The following LRFN5 variants were observed in gnomAD, a reference collection of about 807,000 sequenced individuals.
The protein encoded by LRFN5 is leucine rich repeat and fibronectin type III domain containing 5, also known as leucine-rich repeat and fibronectin type-III domain-containing protein 5.
A neutral mutation model predicts 45.6 loss-of-function variants in LRFN5; 24 were observed. The observed-to-expected ratio is 0.53, with a 90% CI of 0.38 to 0.74. LRFN5 has a LOEUF of 0.74. Ranked by LOEUF, LRFN5 falls within the 30% of genes least tolerant of loss-of-function variation. LRFN5 has a pLI of 0.00. For missense variants in LRFN5, 776 were observed against 861.5 expected, an observed-to-expected ratio of 0.90 and a Z score of 1.24; for synonymous variants, 340 against 313.8, an observed-to-expected ratio of 1.08 and a Z score of -0.88.
intron 1 of LRFN5, among the ~76,000 whole-genome samples, chr14:41,749,340 A>C (rs1275081953): frequency 6.6e-6 from 1 of 152,188 alleles, no homozygotes; most frequent in East Asian, 1.9e-4. Flanking sequence ...TGAAATACTG[A>C]CTTATAATAA....
chr14:41,654,486 A>T (rs998399634), intron 1 of LRFN5, among the ~76,000 whole-genome samples: 1 of 152,046 alleles, frequency 6.6e-6, no homozygotes, highest in African/African-American at 2.4e-5. Context: ...ACATAGTTTG[A>T]GTTCAGAAAG....
chr14:41,853,580 CA>C (rs1179190726), intron 2 of LRFN5, among the ~76,000 whole-genome samples: 1 of 151,728 alleles, frequency 6.6e-6, no homozygotes, highest in African/African-American at 2.4e-5. Context: ...ATTAGGTTTC[CA>C]TTTTGGATAT....
chr14:41,608,924 G>A (rs1404160153), intron 1 of LRFN5, among the ~76,000 whole-genome samples: 1 of 152,208 alleles, frequency 6.6e-6, no homozygotes, highest in Non-Finnish European at 1.5e-5. Context: ...TTTCCAGATT[G>A]TGAAGTGTGA....
intron 1 of LRFN5, among the ~76,000 whole-genome samples, chr14:41,726,275 C>A (rs1216635324): frequency 6.6e-6 from 1 of 152,130 alleles, no homozygotes; most frequent in East Asian, 1.9e-4. Flanking sequence ...AGGGAACTTT[C>A]ATCATTGCTT....
chr14:41,896,752 T>C (rs1444577249), intron 4 of LRFN5, among the ~76,000 whole-genome samples: 2 of 152,086 alleles, frequency 1.3e-5, no homozygotes, highest in African/African-American at 4.8e-5. Flanking sequence ...ATTATGTTTT[T>C]CCACAGAAAC....
intron 1 of LRFN5, among the ~76,000 whole-genome samples, chr14:41,747,027 C>G (rs1884948370): frequency 6.6e-6 from 1 of 151,876 alleles, no homozygotes; most frequent in South Asian, 2.1e-4. Flanking sequence ...AGAATGAAAA[C>G]TACAAAACAT....
intron 1 of LRFN5, among the ~76,000 whole-genome samples, chr14:41,677,470 C>T (rs1881686615): frequency 6.6e-6 from 1 of 151,662 alleles, no homozygotes; most frequent in Non-Finnish European, 1.5e-5. Flanking sequence ...ATTTAAAGAA[C>T]TAAGAAAAAA....
chr14:41,626,496 A>G (rs1222513618), intron 1 of LRFN5, among the ~76,000 whole-genome samples: 1 of 152,066 alleles, frequency 6.6e-6, no homozygotes, highest in Non-Finnish European at 1.5e-5. Flanking sequence ...ATGTAATTTT[A>G]TGGAGAGAGT....
At chr14:41,853,094 AG>A (rs1889328763) in intron 2 of LRFN5, among the ~76,000 whole-genome samples, 1 of 152,012 alleles carries the variant, frequency 6.6e-6, no homozygotes, top group Non-Finnish European at 1.5e-5. Context: ...TTGTTTATAA[AG>A]CTATTATCAC....
chr14:41,841,912 C>T (rs569340189), intron 2 of LRFN5, among the ~76,000 whole-genome samples: 1 of 151,902 alleles, frequency 6.6e-6, no homozygotes, highest in South Asian at 2.1e-4. Flanking sequence ...ATTCTCAAAA[C>T]TCACTATGCC....
intron 1 of LRFN5, among the ~76,000 whole-genome samples, chr14:41,647,145 C>T (rs1039117628): frequency 7.2e-5 from 11 of 152,172 alleles, no homozygotes; most frequent in African/African-American, 2.7e-4. Flanking sequence ...TAACCAATAG[C>T]TCCTCTCATC....
Position 41,711,470 on chromosome 14 carries a change from T to C in LRFN5, c.-196-55384T>C, listed in dbSNP as rs559038715. 1.4e-3 allele frequency among the ~76,000 whole-genome samples: 212 copies of C among 152,248 alleles called. 1 individual carries two copies. The highest frequency in any genetic ancestry group is 4.7e-3 in the African/African-American group (195 of 41,542). On this transcript the variant is annotated intron_variant, in intron 1 of 5. Coordinates refer to ENST00000298119, the MANE Select transcript of LRFN5 (RefSeq NM_152447.5). The stretch of plus-strand genomic sequence containing the variant: ...TGAATCATAGAGATAAGAAAAATGT[T>C]CTACATAGAAGGGGAGAAAAACACA...
intron 2 of LRFN5, among the ~76,000 whole-genome samples, chr14:41,878,267 A>T (rs576208708): frequency 6.6e-6 from 1 of 152,276 alleles, no homozygotes; most frequent in South Asian, 2.1e-4. Flanking sequence ...TTGTCCCCAG[A>T]CATTAGTTGA....
At chr14:41,673,492 G>T (rs1235499579) in intron 1 of LRFN5, among the ~76,000 whole-genome samples, 1 of 147,826 alleles carries the variant, frequency 6.8e-6, no homozygotes, top group African/African-American at 2.5e-5. Flanking sequence ...GCCGGGCAGA[G>T]GGGCTCCTCA....
chr14:41,735,066 C>A (rs1042010818), intron 1 of LRFN5, among the ~76,000 whole-genome samples: 13 of 152,070 alleles, frequency 8.5e-5, no homozygotes, highest in African/African-American at 1.2e-4. Context: ...TTTATTTTCT[C>A]AACATCATTA....
chr14:41,831,989 C>T (rs1187647936), intron 2 of LRFN5, among the ~76,000 whole-genome samples: 1 of 152,136 alleles, frequency 6.6e-6, no homozygotes. Flanking sequence ...ACTTCTTTCT[C>T]TTCCACTTCT....
At chr14:41,688,770 G>A (rs1346770077) in intron 1 of LRFN5, among the ~76,000 whole-genome samples, 2 of 152,082 alleles carry the variant, frequency 1.3e-5, no homozygotes, top group Admixed American at 6.6e-5. Flanking sequence ...TGTAGACCTG[G>A]AAATGCCTAC....
chr14:41,873,162 T>A (rs1270145368), intron 2 of LRFN5, among the ~76,000 whole-genome samples: 1 of 152,184 alleles, frequency 6.6e-6, no homozygotes, highest in Non-Finnish European at 1.5e-5. Context: ...CCAAGAATTT[T>A]GTTAAACAGT....
intron 1 of LRFN5, among the ~76,000 whole-genome samples, chr14:41,639,383 A>G (rs1267050066): frequency 6.6e-6 from 1 of 152,126 alleles, no homozygotes; most frequent in Non-Finnish European, 1.5e-5. Flanking sequence ...TCATGGTTCA[A>G]CTTGTTTTAT....
Sources: gnomAD v4.1 joint callset for allele counts (sites outside exome capture counted in the v4.1 genomes callset) on GRCh38, gnomAD v4.1.1 for gene constraint, MANE v1.5 for transcripts, NCBI Gene and HGNC (gene_info 2026-07-23, HGNC 2026-07-21) for gene names.